The following CLNK variants were observed in gnomAD, a reference collection of about 807,000 sequenced individuals.
CLNK encodes the protein cytokine dependent hematopoietic cell linker, also known as cytokine-dependent hematopoietic cell linker.
Under a neutral mutation model 68.6 loss-of-function variants are expected in CLNK, and 74 were observed. The ratio of observed to expected loss-of-function variants is 1.08; its 90% CI spans 0.89 to 1.31. The LOEUF (loss-of-function observed/expected upper bound fraction) is 1.31. CLNK is among the 50% of genes most tolerant of loss of function. The probability of loss-of-function intolerance (pLI) is 0.00; values close to 1 mark genes in which losing one functional copy is unlikely to be tolerated. For synonymous variants in CLNK, 198 were observed against 172.2 expected (o/e 1.15, Z -1.17); for missense variants, 553 against 515.3 (o/e 1.07, Z -0.71).
upstream of CLNK, among the ~76,000 whole-genome samples, chr4:10,687,869 A>C (rs912565333): frequency 3.3e-5 from 5 of 152,134 alleles, no homozygotes; most frequent in Non-Finnish European, 1.5e-5. Context: ...CTTATCCCCC[A>C]TATCCCTCTT....
the CLNK span, among the ~76,000 whole-genome samples, chr4:10,710,945 C>T: frequency 6.6e-6 from 1 of 152,168 alleles, no homozygotes; most frequent in African/African-American, 2.4e-5. Flanking sequence ...GACTTTGGAA[C>T]CCAAAGCTGT....
rs11930300 is a variant in CLNK at position 10,554,106 on chromosome 4, G to C, written c.445+4301C>G. Reference sequence around the variant, plus strand: ...CTTGCATGTAAGACATGCAGGTATAGAGGCCGCTAGTCCCAGTTTACCCCA... The same window carrying C: ...CTTGCATGTAAGACATGCAGGTATACAGGCCGCTAGTCCCAGTTTACCCCA... On this transcript the variant is annotated intron_variant, in intron 8 of 18. Coordinates refer to ENST00000226951, the MANE Select transcript of CLNK (RefSeq NM_052964.4). Among the ~76,000 whole-genome samples, 853 of 152,306 alleles carry C rather than the reference G, an allele frequency of 5.6e-3. 10 individuals carry two copies. The highest frequency in any genetic ancestry group is 0.02 in the African/African-American group (819 of 41,560).
At chr4:10,525,361 G>C (rs926820921) in intron 14 of CLNK, among the ~76,000 whole-genome samples, 2 of 152,250 alleles carry the variant, frequency 1.3e-5, no homozygotes, top group East Asian at 1.9e-4. Flanking sequence ...CACCGCGCCC[G>C]GCCAAGCCTT....
intron 18 of CLNK, among the ~76,000 whole-genome samples, chr4:10,499,595 T>A (rs749239064): frequency 6.6e-6 from 1 of 152,360 alleles, no homozygotes; most frequent in East Asian, 1.9e-4. Context: ...TATTTTGTTA[T>A]CTGTTGAAGA....
chr4:10,673,152 A>G (rs373160503), intron 1 of CLNK, among the ~76,000 whole-genome samples: 1 of 152,206 alleles, frequency 6.6e-6, no homozygotes, highest in Non-Finnish European at 1.5e-5. Flanking sequence ...TTGCAATTGT[A>G]CAGGGTAGAG....
intron 11 of CLNK, among the ~76,000 whole-genome samples, chr4:10,537,722 TCTTTCTTTCTTTCTTC>T (rs1560207028): frequency 8.3e-6 from 1 of 120,640 alleles, no homozygotes; most frequent in Admixed American, 9.4e-5. Flanking sequence ...TTTCTTTCTT[TCTTTCTTTCTTTCTTC>T]CTTTCTTTTT....
chr4:10,570,938 A>G (rs1164060619), intron 5 of CLNK, among the ~76,000 whole-genome samples: 3 of 152,198 alleles, frequency 2.0e-5, no homozygotes, highest in African/African-American at 7.2e-5. Context: ...TTTAAAATAT[A>G]TTATAAAATC....
intron 11 of CLNK, among the ~76,000 whole-genome samples, chr4:10,535,856 G>GA (rs1368673846): frequency 6.6e-6 from 1 of 152,096 alleles, no homozygotes; most frequent in African/African-American, 2.4e-5. Context: ...GAGCAGAGCA[G>GA]AAAAAATAAT....
Position 10,523,411 on chromosome 4 carries a change from G to T in CLNK, c.731+2430C>A, listed in dbSNP as rs529127301. On this transcript the variant is annotated intron_variant, in intron 14 of 18. Coordinates refer to ENST00000226951, the MANE Select transcript of CLNK (RefSeq NM_052964.4). ...AGGGATTTGGGAATTATCAACATGG[G>T]GTTGAAGTTTGATGCTGGGGATGGA... Among the ~76,000 whole-genome samples, 20 of 152,258 alleles carry T rather than the reference G, an allele frequency of 1.3e-4. No individual in the cohort carries two copies. In the South Asian group the frequency reaches 4.2e-3, roughly 32 times the overall value.
intron 17 of CLNK, among the ~76,000 whole-genome samples, chr4:10,502,416 T>G (rs1213661117): frequency 6.6e-6 from 1 of 151,994 alleles, no homozygotes; most frequent in Non-Finnish European, 1.5e-5. Flanking sequence ...TCCAGGTCTC[T>G]CCCTAGACAC....
At chr4:10,598,160 A>G (rs1391041466) in intron 2 of CLNK, 111 bp from the exon 3 acceptor site, 2 of 700,068 alleles carry the variant, frequency 2.9e-6, no homozygotes, top group South Asian at 3.6e-5. Flanking sequence ...TTAAGTAATT[A>G]TGTCTCACAC....
chr4:10,657,942 T>C (rs1724044858), intron 2 of CLNK, among the ~76,000 whole-genome samples: 1 of 152,226 alleles, frequency 6.6e-6, no homozygotes, highest in Non-Finnish European at 1.5e-5. Flanking sequence ...AGTCTTAATG[T>C]TATTCTTTAC....
At chr4:10,616,321 C>T (rs1253210235) in intron 2 of CLNK, among the ~76,000 whole-genome samples, 7 of 152,144 alleles carry the variant, frequency 4.6e-5, no homozygotes, top group African/African-American at 1.7e-4. Flanking sequence ...TTTGTGGACA[C>T]ATTAGACTTA....
chr4:10,544,764 T>G (rs550385392), intron 8 of CLNK, among the ~76,000 whole-genome samples: 44 of 152,224 alleles, frequency 2.9e-4, no homozygotes, highest in African/African-American at 1.1e-3. Context: ...TTCTAGAAAT[T>G]AAGTAAGTCC....
intron 8 of CLNK, among the ~76,000 whole-genome samples, chr4:10,547,850 C>T (rs544251431): frequency 3.9e-5 from 6 of 152,196 alleles, no homozygotes; most frequent in Admixed American, 2.0e-4. Flanking sequence ...AAAAATACTC[C>T]ATTGTGTGTA....
chr4:10,618,075 G>A (rs947740275), intron 2 of CLNK, among the ~76,000 whole-genome samples: 7 of 152,012 alleles, frequency 4.6e-5, no homozygotes, highest in Non-Finnish European at 1.0e-4. Flanking sequence ...ACTTACACAC[G>A]AACATTCTTA....
intron 5 of CLNK, among the ~76,000 whole-genome samples, chr4:10,570,924 G>A (rs1438072905): frequency 2.0e-5 from 3 of 152,022 alleles, no homozygotes; most frequent in Non-Finnish European, 2.9e-5. Flanking sequence ...CAAATGTGCT[G>A]CCATTTAAAA....
chr4:10,686,448 A>G (rs1246187306), upstream of CLNK, among the ~76,000 whole-genome samples: 2 of 151,788 alleles, frequency 1.3e-5, no homozygotes, highest in African/African-American at 2.4e-5. Context: ...ATCTAAGATT[A>G]TCACACTCAT....
At chr4:10,653,120 CAT>C (rs1396611575) in intron 2 of CLNK, among the ~76,000 whole-genome samples, 1 of 152,058 alleles carries the variant, frequency 6.6e-6, no homozygotes, top group African/African-American at 2.4e-5. Flanking sequence ...TGTTCTCACT[CAT>C]AAGTGGGAGT....
Sources: gnomAD v4.1 joint callset for allele counts (sites outside exome capture counted in the v4.1 genomes callset) on GRCh38, gnomAD v4.1.1 for gene constraint, MANE v1.5 for transcripts, NCBI Gene and HGNC (gene_info 2026-07-23, HGNC 2026-07-21) for gene names.